NSD2: variants seen among roughly 807,000 people sequenced by gnomAD.
NSD2 encodes the protein histone-lysine N-methyltransferase NSD2.
Under a neutral mutation model 139.0 loss-of-function variants are expected in NSD2, and 12 were observed. That is an observed-to-expected ratio of 0.09 (90% confidence interval 0.06 to 0.14). The LOEUF (loss-of-function observed/expected upper bound fraction) is 0.14. Ranked by LOEUF, NSD2 falls within the 10% of genes least tolerant of loss-of-function variation. The pLI is 1.00. For synonymous variants in NSD2, 669 were observed against 648.7 expected, an observed-to-expected ratio of 1.03 and a Z score of -0.48; for missense variants, 1,155 against 1,745.0, an observed-to-expected ratio of 0.66 and a Z score of 6.02.
In NSD2 at chr4:1,934,878, A is replaced by AATATATATAT. The variant is rs1161633448; in HGVS notation, c.1556-244_1556-235dup. Among the ~76,000 whole-genome samples the AATATATATAT allele has an allele frequency of 9.3e-3, 204 of 22,044 alleles. 3 individuals carry two copies. The highest frequency in any genetic ancestry group is 0.05 in the Middle Eastern group (1 of 20). The allele number at this position is 22,044 out of a possible 152,430, so 14.5% of individuals were successfully genotyped here. On this transcript the variant is annotated intron_variant, in intron 6 of 21. Transcript: ENST00000508803. The stretch of plus-strand genomic sequence containing the variant: ...AAAAAAAAAAAAAAAAAAAAAAAAA[A>AATATATATAT]ATATATATATATATATATATATATA...
chr4:1,952,691 C>G, intron 11 of NSD2: 2 of 1,058,876 alleles, frequency 1.9e-6, no homozygotes, highest in Non-Finnish European at 2.3e-6. Context: ...ACAGAAAGAA[C>G]AGCTCCAGGC....
intron 1 of NSD2, among the ~76,000 whole-genome samples, chr4:1,889,574 T>C (rs1423235628): frequency 6.6e-6 from 1 of 152,002 alleles, no homozygotes; most frequent in African/African-American, 2.4e-5. Context: ...CCATCTCGGC[T>C]TACTGTAACC....
In NSD2 at chr4:1,974,758, A is replaced by G. The variant is rs1358573709; in HGVS notation, c.3373-105A>G. On this transcript the variant is annotated intron_variant, in intron 18 of 21. Coordinates refer to ENST00000508803, the MANE Select transcript of NSD2 (RefSeq NM_001042424.3). The surrounding 1 kb of genome is among the most constrained non-coding windows in gnomAD (Gnocchi z 4.0). ...ACAGGACACCACGGTTTTCAGTACA[A>G]CAAGGAACACAACTTGTTCAATGTG... is the stretch of plus-strand genomic sequence containing the variant. 2.6e-6 allele frequency: 4 copies of G among 1,529,480 alleles called. No individual in the cohort carries two copies. Among genetic ancestry groups the G allele is most frequent in the African/African-American group, 1.4e-5 (1 of 73,182 alleles). The allele number at this position is 1,529,480 out of a possible 1,614,324, so 94.7% of individuals were successfully genotyped here.
intron 18 of NSD2, among the ~76,000 whole-genome samples, chr4:1,966,109 A>G (rs896217368): frequency 3.3e-5 from 5 of 152,322 alleles, no homozygotes; most frequent in African/African-American, 1.2e-4. Flanking sequence ...TCTTTCAAAG[A>G]TAAGGGTGAA....
chr4:1,878,322 G>C (rs1432084750), intron 1 of NSD2, among the ~76,000 whole-genome samples: 1 of 134,218 alleles, frequency 7.5e-6, no homozygotes, highest in Non-Finnish European at 1.5e-5. Flanking sequence ...TGGCCAGGCT[G>C]GTCTCGAACT....
intron 9 of NSD2, among the ~76,000 whole-genome samples, chr4:1,949,008 C>T (rs1723929313): frequency 6.6e-6 from 1 of 152,230 alleles, no homozygotes; most frequent in African/African-American, 2.4e-5. Context: ...GATGGGTCAG[C>T]TTGGGCGACT....
At chr4:1,965,056 A>AG (rs2108989929) in intron 18 of NSD2, among the ~76,000 whole-genome samples, 1 of 137,950 alleles carries the variant, frequency 7.2e-6, no homozygotes, top group South Asian at 2.1e-4. Flanking sequence ...TTCAGCAAAA[A>AG]AAAAAAAAAA....
chr4:1,947,112 G>T, intron 9 of NSD2: 1 of 1,065,182 alleles, frequency 9.4e-7, no homozygotes, highest in Non-Finnish European at 1.1e-6. Flanking sequence ...TTGTCCTCAA[G>T]TCCTTCGCAG....
chr4:1,964,478 A>C (rs1725672616), intron 18 of NSD2, among the ~76,000 whole-genome samples: 1 of 152,324 alleles, frequency 6.6e-6, no homozygotes, highest in South Asian at 2.1e-4. Context: ...TGCCCCACAG[A>C]CAGCCATGCA....
At position 1,979,115 on chromosome 4, in the gene NSD2, C is replaced by T. The variant is rs554754969; in HGVS notation, c.*206C>T. 7.6e-5 allele frequency: 39 copies of T among 515,508 alleles called. No individual in the cohort carries two copies. In the Admixed American group the frequency reaches 1.4e-3, roughly 18 times the overall value. 31.9% of individuals were successfully genotyped at this position (515,508 alleles called of 1,614,324 possible). On this transcript the variant is annotated 3_prime_UTR_variant, in exon 22 of 22. Transcript: ENST00000508803. ...CGTCTGCACTGATGACCGTCTGAGC[C>T]CAGCTCAGCGTTCCTGGACAAACAG...
intron 5 of NSD2, among the ~76,000 whole-genome samples, chr4:1,925,901 C>G (rs1720850947): frequency 6.6e-6 from 1 of 151,738 alleles, no homozygotes; most frequent in Non-Finnish European, 1.5e-5. Context: ...TCCCTAGGCT[C>G]AAGTGATTCT....
chr4:1,975,117 G>C, intron 19 of NSD2, 113 bp downstream of exon 19: 2 of 1,534,622 alleles, frequency 1.3e-6, no homozygotes, highest in Non-Finnish European at 1.8e-6. Context: ...GGGTGCTGAT[G>C]TGGAGTCTCT....
At chr4:1,905,885 C>T (rs968337204) in intron 3 of NSD2, among the ~76,000 whole-genome samples, 3 of 152,172 alleles carry the variant, frequency 2.0e-5, no homozygotes, top group Admixed American at 1.3e-4. Flanking sequence ...CCTCTAGACT[C>T]GGTCAGTGTA....
intron 3 of NSD2, among the ~76,000 whole-genome samples, chr4:1,914,518 G>T (rs767419049): frequency 6.6e-6 from 1 of 151,998 alleles, no homozygotes; most frequent in Non-Finnish European, 1.5e-5. Flanking sequence ...TAGAGACAGG[G>T]CTTCACCATG....
At position 1,942,562 on chromosome 4, in the gene NSD2, C is replaced by G; in HGVS notation, c.1881+2784C>G. 2 of 1,380,628 alleles carry G rather than the reference C, an allele frequency of 1.4e-6. No homozygotes were observed. The highest frequency in any genetic ancestry group is 1.9e-6 in the Non-Finnish European group (2 of 1,064,850). 85.5% of individuals were successfully genotyped at this position (1,380,628 alleles called of 1,614,324 possible). Reference sequence around the variant, plus strand: ...GAAAACAGATAACAAATTTTAAGACCAAGGTAAGATAACTAATCAAGGCCA... The same window carrying G: ...GAAAACAGATAACAAATTTTAAGACGAAGGTAAGATAACTAATCAAGGCCA... On this transcript the variant is annotated intron_variant, in intron 9 of 21. Coordinates refer to ENST00000508803, the MANE Select transcript of NSD2 (RefSeq NM_001042424.3). The surrounding 1 kb of genome is among the most constrained non-coding windows in gnomAD (Gnocchi z 4.0).
intron 5 of NSD2, among the ~76,000 whole-genome samples, chr4:1,920,598 G>A (rs1209055487): frequency 6.6e-6 from 1 of 152,124 alleles, no homozygotes; most frequent in Non-Finnish European, 1.5e-5. Context: ...TATTTGGTAC[G>A]TGCATTAAAG....
chr4:1,933,026 C>A (rs1721856010), intron 6 of NSD2, among the ~76,000 whole-genome samples: 1 of 152,234 alleles, frequency 6.6e-6, no homozygotes, highest in Admixed American at 6.5e-5. Context: ...GCAGGTCCTG[C>A]TGCCGAGCAT....
rs956344509 is a variant in NSD2, at chr4:1,948,374, C to T, written c.1882-2698C>T. On this transcript the variant is annotated intron_variant, in intron 9 of 21. Coordinates refer to ENST00000508803, the MANE Select transcript of NSD2 (RefSeq NM_001042424.3). This position sits in a 1 kb window ranked among gnomAD's most constrained non-coding sequence, Gnocchi z 4.5. ...GGGACCGTACAGGTGAATGTGCCAC[C>T]TCCACAAATGGCTTCTCCGAGTGAG... 2.3e-5 allele frequency: 25 copies of T among 1,066,190 alleles called. No homozygotes were observed. Among genetic ancestry groups the T allele is most frequent in the Non-Finnish European group, 2.5e-5 (22 of 878,958 alleles). The allele number at this position is 1,066,190 out of a possible 1,614,324, so 66.0% of individuals were successfully genotyped here. A position where few individuals can be genotyped will look rare whatever the true frequency, so the allele number is the denominator to read the frequency against.
chr4:1,947,008 T>C (rs1235091824), intron 9 of NSD2: 1 of 1,063,454 alleles, frequency 9.4e-7, no homozygotes, highest in Non-Finnish European at 1.1e-6. Flanking sequence ...TTTCAAGAAA[T>C]GACTGAGGTA....
Sources: allele counts gnomAD v4.1 joint callset (sites outside exome capture counted in the v4.1 genomes callset), GRCh38; gene constraint gnomAD v4.1.1; non-coding constraint Gnocchi (gnomAD v3.1); transcripts MANE v1.5; gene names NCBI Gene and HGNC (gene_info 2026-07-23, HGNC 2026-07-21).